Variants in ADGRL2 observed in about 807,000 individuals in gnomAD.
The protein encoded by ADGRL2 is adhesion G protein-coupled receptor L2.
ADGRL2 carries 44 observed loss-of-function variants against 157.4 expected under a neutral mutation model. That is an observed-to-expected ratio of 0.28 (90% CI 0.22 to 0.36). The LOEUF (loss-of-function observed/expected upper bound fraction) is 0.36, where lower values mean the gene tolerates loss of function less well. ADGRL2 is among the 10% of genes least tolerant of loss of function. The probability of loss-of-function intolerance (pLI) is 1.00; values close to 1 mark genes in which losing one functional copy is unlikely to be tolerated. For synonymous variants in ADGRL2, 585 were observed against 624.7 expected (o/e 0.94, Z 0.95); for missense variants, 1,510 against 1,768.9 (o/e 0.85, Z 2.63).
intron 18 of ADGRL2, 59 bp from the exon 19 acceptor site, chr1:81,981,749 G>A: frequency 7.6e-6 from 10 of 1,313,438 alleles, no homozygotes; most frequent in Non-Finnish European, 1.1e-5. Flanking sequence ...TAACATTTAA[G>A]CGTGATGTGT....
chr1:81,375,028 C>T (rs966729301), intron 1 of ADGRL2, among the ~76,000 whole-genome samples: 5 of 152,194 alleles, frequency 3.3e-5, no homozygotes, highest in African/African-American at 1.2e-4. Flanking sequence ...TGCTTTAGGG[C>T]TTCCATGAGA....
At chr1:81,881,678 G>C (rs2151224897) in intron 2 of ADGRL2, among the ~76,000 whole-genome samples, 1 of 145,086 alleles carries the variant, frequency 6.9e-6, no homozygotes, top group Non-Finnish European at 1.5e-5. Flanking sequence ...GTTCTCATTA[G>C]TCTTTACTCT....
At chr1:81,402,219 C>A (rs2076769645) in intron 1 of ADGRL2, among the ~76,000 whole-genome samples, 1 of 152,114 alleles carries the variant, frequency 6.6e-6, no homozygotes, top group Non-Finnish European at 1.5e-5. Context: ...TTTTTCTTAG[C>A]CTAGTGCTCT....
At chr1:81,420,773 C>T (rs1309756991) in intron 1 of ADGRL2, among the ~76,000 whole-genome samples, 1 of 152,144 alleles carries the variant, frequency 6.6e-6, no homozygotes, top group Non-Finnish European at 1.5e-5. Flanking sequence ...AGAAGCTCTC[C>T]TAGGTCGTCG....
intron 1 of ADGRL2, among the ~76,000 whole-genome samples, chr1:81,399,001 A>G (rs2076705121): frequency 6.6e-6 from 1 of 152,130 alleles, no homozygotes; most frequent in African/African-American, 2.4e-5. Flanking sequence ...CTAATTTATG[A>G]AAAAAAGAGG....
At chr1:81,721,173 G>T (rs909477318) in intron 1 of ADGRL2, among the ~76,000 whole-genome samples, 4 of 150,288 alleles carry the variant, frequency 2.7e-5, no homozygotes, top group African/African-American at 9.8e-5. Context: ...CACCCCGCCA[G>T]ATTTAAACAA....
At position 81,347,043 on chromosome 1, in the gene ADGRL2, G is replaced by C. The variant is rs116122489; in HGVS notation, c.-302+40534G>C. On this transcript the variant is annotated intron_variant, in intron 1 of 24. Transcript: ENST00000370721. Reference sequence around the variant, plus strand: ...GGAAATAAGGAGAGCTGAAGAGAAAGTGTTCATCTTCTTATTGAAGATATA... The same window carrying C: ...GGAAATAAGGAGAGCTGAAGAGAAACTGTTCATCTTCTTATTGAAGATATA... Among the ~76,000 whole-genome samples, 1,320 of 152,254 alleles carry C rather than the reference G, an allele frequency of 8.7e-3. 16 individuals are homozygous for C. The highest frequency in any genetic ancestry group is 0.03 in the African/African-American group (1,260 of 41,556).
intron 2 of ADGRL2, among the ~76,000 whole-genome samples, chr1:81,899,420 C>T (rs917115805): frequency 2.0e-5 from 3 of 152,140 alleles, no homozygotes; most frequent in Non-Finnish European, 2.9e-5. Context: ...AGTTGCTGCA[C>T]CTGTTGCCGG....
intron 2 of ADGRL2, among the ~76,000 whole-genome samples, chr1:81,579,078 A>G (rs544658991): frequency 6.6e-6 from 1 of 152,228 alleles, no homozygotes; most frequent in East Asian, 1.9e-4. Context: ...TTGTTTACCT[A>G]TGGGGAGTTC....
intron 2 of ADGRL2, among the ~76,000 whole-genome samples, chr1:81,482,369 C>CA (rs1445402369): frequency 4.6e-5 from 7 of 151,994 alleles, no homozygotes; most frequent in Non-Finnish European, 1.0e-4. Flanking sequence ...TTTTGCCATC[C>CA]AAGTAATACG....
chr1:81,888,165 A>G (rs1301043428), intron 2 of ADGRL2, among the ~76,000 whole-genome samples: 2 of 152,196 alleles, frequency 1.3e-5, no homozygotes, highest in Non-Finnish European at 1.5e-5. Context: ...TATGGAGACA[A>G]TAAGTTACAA....
intron 1 of ADGRL2, among the ~76,000 whole-genome samples, chr1:81,754,652 T>TCCTTCCTCCCTCCCTTCCTCCTTTCCTC (rs1308705942): frequency 2.0e-5 from 3 of 147,468 alleles, no homozygotes; most frequent in African/African-American, 7.6e-5. Context: ...TTCCTTTCCT[T>TCCTTCCTCCCTCCCTTCCTCCTTTCCTC]CCTTCCTCCC....
chr1:81,843,704 G>A (rs1254468858), intron 2 of ADGRL2, among the ~76,000 whole-genome samples: 4 of 152,018 alleles, frequency 2.6e-5, no homozygotes, highest in Non-Finnish European at 4.4e-5. Flanking sequence ...CAAAGTTGCC[G>A]AAAATAAAAT....
intron 3 of ADGRL2, among the ~76,000 whole-genome samples, chr1:81,931,613 T>C (rs1269689495): frequency 6.6e-6 from 1 of 152,190 alleles, no homozygotes; most frequent in African/African-American, 2.4e-5. Flanking sequence ...TATGTAGTTT[T>C]ATGTTTATTT....
intron 6 of ADGRL2, among the ~76,000 whole-genome samples, chr1:81,944,839 T>C (rs993064666): frequency 2.6e-5 from 4 of 152,016 alleles, no homozygotes; most frequent in African/African-American, 7.2e-5. Flanking sequence ...TACCCATACA[T>C]ATTTTAAGAT....
At chr1:81,857,616 C>T (rs1460046589) in intron 2 of ADGRL2, among the ~76,000 whole-genome samples, 1 of 152,188 alleles carries the variant, frequency 6.6e-6, no homozygotes, top group African/African-American at 2.4e-5. Flanking sequence ...CACATATCAG[C>T]TTCTTCTCTC....
At chr1:81,662,837 G>A (rs1262813608) in intron 3 of ADGRL2, among the ~76,000 whole-genome samples, 2 of 152,138 alleles carry the variant, frequency 1.3e-5, no homozygotes, top group African/African-American at 2.4e-5. Flanking sequence ...TTACAGGCGT[G>A]AGCCACCATG....
chr1:81,596,122 C>T, intron 3 of ADGRL2: 2 of 383,248 alleles, frequency 5.2e-6, no homozygotes, highest in Non-Finnish European at 1.0e-5. Context: ...TTTTTAACAA[C>T]TGGTAATCAA....
intron 2 of ADGRL2, among the ~76,000 whole-genome samples, chr1:81,532,838 T>C (rs2079634082): frequency 6.6e-6 from 1 of 151,992 alleles, no homozygotes; most frequent in African/African-American, 2.4e-5. Flanking sequence ...GAGGATCACT[T>C]GAGCCCAGGA....
Sources: gnomAD v4.1 joint callset for allele counts (sites outside exome capture counted in the v4.1 genomes callset) on GRCh38, gnomAD v4.1.1 for gene constraint, MANE v1.5 for transcripts, NCBI Gene and HGNC (gene_info 2026-07-23, HGNC 2026-07-21) for gene names.